MYH14: variants seen among roughly 807,000 people sequenced by gnomAD.
MYH14 encodes the protein myosin-14.
Under a neutral mutation model 255.5 loss-of-function variants are expected in MYH14, and 123 were observed. That is an observed-to-expected ratio of 0.48 (90% CI 0.42 to 0.56). The LOEUF (loss-of-function observed/expected upper bound fraction) is 0.56, where lower values mean the gene tolerates loss of function less well. Among genes scored for constraint, MYH14 ranks in the 20% least tolerant of loss-of-function variants. MYH14 has a pLI of 0.00. For synonymous variants in MYH14, 1,095 were observed against 1,161.2 expected (o/e 0.94, Z 1.16); for missense variants, 2,423 against 2,802.3 (o/e 0.86, Z 3.06).
intron 9 of MYH14, among the ~76,000 whole-genome samples, chr19:50,231,351 A>G (rs897059451): frequency 1.3e-5 from 2 of 152,200 alleles, no homozygotes; most frequent in East Asian, 1.9e-4. Flanking sequence ...GCTTCTGCCA[A>G]CCAGTGGCCC....
At chr19:50,223,422 C>A in intron 5 of MYH14, 73 bp downstream of exon 5, 1 of 1,050,764 alleles carries the variant, frequency 9.5e-7, no homozygotes, top group Non-Finnish European at 1.4e-6. Flanking sequence ...GCTTTCCCCA[C>A]AATTGTCTCT....
At position 50,252,867 on chromosome 19, in the gene MYH14, C is replaced by G; in HGVS notation, c.1945+114C>G. 1.5e-6 allele frequency: 1 copy of G among 674,628 alleles called. No individual in the cohort carries two copies. Among genetic ancestry groups the G allele is most frequent in the Non-Finnish European group, 2.5e-6 (1 of 394,320 alleles). 41.8% of individuals were successfully genotyped at this position (674,628 alleles called of 1,614,324 possible). On this transcript the variant is annotated intron_variant, in intron 16 of 42. Transcript: ENST00000642316. This position sits in a 1 kb window ranked among gnomAD's most constrained non-coding sequence, Gnocchi z 4.2. ...GAGGTCTGAACCTGAGTTTTCTGCT[C>G]AGACCCAGAATAGCCAGTGTCACAA...
chr19:50,274,114 C>T (rs574102031), intron 27 of MYH14, among the ~76,000 whole-genome samples: 75 of 152,270 alleles, frequency 4.9e-4, no homozygotes, highest in African/African-American at 1.6e-3. Flanking sequence ...TCAGACACTT[C>T]GCATACCCTG....
intron 1 of MYH14, among the ~76,000 whole-genome samples, chr19:50,208,188 G>A (rs965844604): frequency 4.4e-4 from 67 of 152,210 alleles, no homozygotes; most frequent in African/African-American, 1.5e-3. Context: ...GCCCAGGCGG[G>A]CGGATCACCT....
chr19:50,230,921 T>G lies in MYH14; in HGVS notation c.973+298T>G. 2.5e-6 allele frequency: 1 copy of G among 403,422 alleles called. No individual in the cohort carries two copies. Among genetic ancestry groups the G allele is most frequent in the African/African-American group, 2.0e-5 (1 of 49,210 alleles). 25.0% of individuals were successfully genotyped at this position (403,422 alleles called of 1,614,324 possible). On this transcript the variant is annotated intron_variant, in intron 9 of 42. Coordinates refer to ENST00000642316, the MANE Select transcript of MYH14 (RefSeq NM_001145809.2). This position sits in a 1 kb window ranked among gnomAD's most constrained non-coding sequence, Gnocchi z 4.7. ...CGCTCGCTTCCGAAGCTCCGTGGCT[T>G]CTCTCTCGCGCGGCTTCTCCTCACT...
At chr19:50,232,100 G>C in intron 10 of MYH14, 30 bp downstream of exon 10, 1 of 1,605,054 alleles carries the variant, frequency 6.2e-7, no homozygotes, top group Non-Finnish European at 8.5e-7. Flanking sequence ...GCCAGGGGTA[G>C]GGGGGAACCC....
rs2123238124 is a variant in MYH14, at chr19:50,232,050, T to C, written c.1094T>C (p.Phe365Ser). The change falls in exon 10 of 43, where the codon TTC becomes TCC. Residue 365 changes from phenylalanine (F) to serine (S), a missense_variant. By Grantham distance (155) the Phe-to-Ser change is radical (BLOSUM62 -2). Around this residue, in one of 3 missense-constraint regions of MYH14, gnomAD observed 672 missense variants for 881.8 expected, o/e 0.76. Coordinates refer to ENST00000642316, the MANE Select transcript of MYH14 (RefSeq NM_001145809.2). Reference sequence around the variant, plus strand: ...CTGGAGTCGCTGCGGGTCCTGGGATTCAGCCACGAGGAAATCATCTGTGAG... The same window carrying C: ...CTGGAGTCGCTGCGGGTCCTGGGATCCAGCCACGAGGAAATCATCTGTGAG... ...ETLESLRVLG[F>S]SHEEIISMLR... 1 of 1,612,538 alleles carries C rather than the reference T, an allele frequency of 6.2e-7. No homozygotes were observed. Among genetic ancestry groups the C allele is most frequent in the Non-Finnish European group, 8.5e-7 (1 of 1,179,880 alleles).
Position 50,276,751 on chromosome 19 carries a change from A to T in MYH14, c.3681-6A>T, listed in dbSNP as rs1332807976. 5.6e-6 allele frequency: 9 copies of T among 1,613,164 alleles called. No homozygotes were observed. The highest frequency in any genetic ancestry group is 3.3e-5 in the Admixed American group (2 of 59,992). ...TTCCCATCCTCTCTCCTTTCCCCCA[A>T]TAAAGGTCCAAGAGGGAACAGGAGG... On this transcript the variant is annotated splice_region_variant and splice_polypyrimidine_tract_variant and intron_variant, in intron 28 of 42. Coordinates refer to ENST00000642316, the MANE Select transcript of MYH14 (RefSeq NM_001145809.2). This position sits in a 1 kb window ranked among gnomAD's most constrained non-coding sequence, Gnocchi z 4.3.
intron 39 of MYH14, among the ~76,000 whole-genome samples, chr19:50,300,570 G>A (rs1381153426): frequency 2.7e-4 from 41 of 152,086 alleles, no homozygotes; most frequent in African/African-American, 9.6e-4. Context: ...CCAACATGGA[G>A]AAACCCCATC....
At chr19:50,223,203 G>A (rs570965860) in intron 4 of MYH14, 44 bp from the exon 5 acceptor site, 123 of 1,606,750 alleles carry the variant, frequency 7.7e-5, no homozygotes, top group Non-Finnish European at 9.1e-5. Flanking sequence ...GAGCTTGCCT[G>A]AGGTCATTGC....
At position 50,301,797 on chromosome 19, in the gene MYH14, G is replaced by T. The variant is rs773798800; in HGVS notation, c.5606G>T (p.Arg1869Leu). 1 of 1,613,776 alleles carries T rather than the reference G, an allele frequency of 6.2e-7. No homozygotes were observed. ...LGEEDAGARARHKMTIAALES... is the reference protein window; with the variant it reads ...LGEEDAGARALHKMTIAALES... ...GAGGAGGATGCTGGGGCCCGTGCCC[G>T]CCACAAGATGACCATTGCTGCCCTT... Residue 1869 changes from arginine to leucine, a missense_variant, in exon 40 of 43, where the codon CGC becomes CTC. By Grantham distance (102) the Arg-to-Leu change is moderately radical. Transcript: ENST00000642316.
At chr19:50,278,911 C>T (rs1017233500) in intron 30 of MYH14, among the ~76,000 whole-genome samples, 6 of 151,894 alleles carry the variant, frequency 4.0e-5, no homozygotes, top group Non-Finnish European at 7.4e-5. Context: ...TCACTTGAAC[C>T]CGGGAGGCAG....
At chr19:50,204,788 G>A (rs993066292) in intron 1 of MYH14, among the ~76,000 whole-genome samples, 3 of 152,124 alleles carry the variant, frequency 2.0e-5, no homozygotes, top group African/African-American at 7.2e-5. Context: ...CCAGCTACTC[G>A]GGAGGCTGAG....
At chr19:50,214,300 C>T (rs75107470) in intron 2 of MYH14, among the ~76,000 whole-genome samples, 54 of 152,272 alleles carry the variant, frequency 3.5e-4, no homozygotes, top group African/African-American at 1.2e-3. Context: ...AAACTCTGCC[C>T]TATTTAAGAC....
At chr19:50,218,607 A>T (rs2032626887) in intron 3 of MYH14, among the ~76,000 whole-genome samples, 1 of 151,680 alleles carries the variant, frequency 6.6e-6, no homozygotes, top group Non-Finnish European at 1.5e-5. Flanking sequence ...CAAAAAAAAA[A>T]TTAATTTATT....
At position 50,278,138 on chromosome 19, in the gene MYH14, T is replaced by C. The variant is rs1212450527; in HGVS notation, c.3881T>C (p.Leu1294Pro). The C allele has an allele frequency of 6.2e-7, 1 of 1,605,196 alleles. No homozygotes were observed. ...GCCCTGGAGGCCGAGGTGTCCGAGC[T>C]GCGGGCAGAACTGAGCAGCCTGCAG... Reference protein sequence around the residue: ...RLALEAEVSELRAELSSLQTA... With the variant: ...RLALEAEVSEPRAELSSLQTA... The change falls in exon 30 of 43, where the codon CTG becomes CCG. Residue 1294 changes from leucine to proline, a missense_variant. This residue lies in a region of MYH14 where 1,513 missense variants were observed against 1,674.8 expected (regional missense o/e 0.90). Coordinates refer to ENST00000642316, the MANE Select transcript of MYH14 (RefSeq NM_001145809.2).
In MYH14 at chr19:50,225,516, CG is replaced by C. The variant is rs1452906934; in HGVS notation, c.718-68del. 7 of 1,260,270 alleles carry C rather than the reference CG, an allele frequency of 5.6e-6. No homozygotes were observed. The African/African-American group carries it at 1.0e-4, about 19-fold the overall frequency. 78.1% of individuals were successfully genotyped at this position (1,260,270 alleles called of 1,614,324 possible). ...TACTCAGTCAGCTGGAGACACAGCC[CG>C]AGCTGGGCTGGCCTGGCCTCCTGCC... is the stretch of plus-strand genomic sequence containing the variant. On this transcript the variant is annotated intron_variant, in intron 6 of 42. Coordinates refer to ENST00000642316, the MANE Select transcript of MYH14 (RefSeq NM_001145809.2).
intron 39 of MYH14, among the ~76,000 whole-genome samples, chr19:50,295,553 A>C (rs1300028438): frequency 6.6e-6 from 1 of 152,152 alleles, no homozygotes; most frequent in African/African-American, 2.4e-5. Context: ...CTGGAATCCC[A>C]GCACTTTTGG....
chr19:50,226,835 G>A, intron 7 of MYH14, 68 bp from the exon 8 acceptor site: 2 of 1,485,404 alleles, frequency 1.3e-6, no homozygotes, highest in Non-Finnish European at 1.9e-6. Flanking sequence ...TGGGGTTTGG[G>A]CTGTTGTTCA....
Sources: allele counts gnomAD v4.1 joint callset (sites outside exome capture counted in the v4.1 genomes callset), GRCh38; gene constraint gnomAD v4.1.1; regional missense constraint gnomAD v4.1.1; non-coding constraint Gnocchi (gnomAD v3.1); transcripts MANE v1.5; gene names NCBI Gene and HGNC (gene_info 2026-07-23, HGNC 2026-07-21).